The following CSMD1 variants were observed in gnomAD, a reference collection of about 807,000 sequenced individuals.
The protein encoded by CSMD1 is CUB and Sushi multiple domains 1.
In CSMD1, 213 loss-of-function variants were observed where a neutral mutation model predicts 417.5. That is an observed-to-expected ratio of 0.51 (90% CI 0.46 to 0.57). The LOEUF is 0.57. CSMD1 is among the 20% of genes least tolerant of loss of function. The pLI, the probability that CSMD1 is intolerant of heterozygous loss-of-function variation, is 0.00. For synonymous variants in CSMD1, 2,862 were observed against 1,736.8 expected, an observed-to-expected ratio of 1.65 and a Z score of -16.11; for missense variants, 6,923 against 4,529.7, an observed-to-expected ratio of 1.53 and a Z score of -15.17.
At chr8:4,443,333 C>T (rs750056096) in intron 2 of CSMD1, among the ~76,000 whole-genome samples, 5 of 152,040 alleles carry the variant, frequency 3.3e-5, no homozygotes, top group Non-Finnish European at 7.4e-5. Flanking sequence ...GAAAGTCTAC[C>T]CACAATATGC....
intron 5 of CSMD1, among the ~76,000 whole-genome samples, chr8:3,818,695 A>G (rs1383744434): frequency 1.3e-5 from 2 of 152,188 alleles, no homozygotes; most frequent in Non-Finnish European, 2.9e-5. Flanking sequence ...AACGGCAGTC[A>G]ACAAAGGAAG....
chr8:3,241,493 C>A (rs895481744), intron 26 of CSMD1, among the ~76,000 whole-genome samples: 2 of 152,110 alleles, frequency 1.3e-5, no homozygotes, highest in African/African-American at 4.8e-5. Flanking sequence ...GCCACTAAGC[C>A]GAGAAGATCT....
At chr8:3,338,939 C>T (rs987646581) in intron 23 of CSMD1, among the ~76,000 whole-genome samples, 1 of 151,366 alleles carries the variant, frequency 6.6e-6, no homozygotes, top group African/African-American at 2.4e-5. Context: ...CACCCACTAA[C>T]TCGTCATCTA....
chr8:3,838,550 C>G (rs1348864695), intron 5 of CSMD1, among the ~76,000 whole-genome samples: 1 of 119,442 alleles, frequency 8.4e-6, no homozygotes, highest in African/African-American at 3.5e-5. Flanking sequence ...TATATGTACT[C>G]TCTGTAGATA....
At chr8:3,279,135 C>G (rs541518766) in intron 26 of CSMD1, 53 of 152,252 alleles carry the variant, frequency 3.5e-4, no homozygotes, top group African/African-American at 1.2e-3. Context: ...GGTGGTCAGA[C>G]CAGCGTCTTC....
chr8:3,704,132 A>C (rs557516768), intron 7 of CSMD1, among the ~76,000 whole-genome samples: 1 of 152,230 alleles, frequency 6.6e-6, no homozygotes, highest in South Asian at 2.1e-4. Flanking sequence ...GTCCTCCATC[A>C]CTGTGGCAGA....
At chr8:3,736,925 C>T (rs1164615490) in intron 6 of CSMD1, among the ~76,000 whole-genome samples, 1 of 152,184 alleles carries the variant, frequency 6.6e-6, no homozygotes, top group Non-Finnish European at 1.5e-5. Context: ...CCGTGTGAAG[C>T]ATTCTGGGTA....
chr8:4,756,114 G>T (rs1198972988), intron 1 of CSMD1, among the ~76,000 whole-genome samples: 1 of 152,098 alleles, frequency 6.6e-6, no homozygotes, highest in African/African-American at 2.4e-5. Flanking sequence ...CTTTTTCACA[G>T]GAGTATATAG....
chr8:3,219,042 T>C, intron 29 of CSMD1, among the ~76,000 whole-genome samples: 1 of 152,184 alleles, frequency 6.6e-6, no homozygotes, highest in East Asian at 1.9e-4. Flanking sequence ...GGACAGTTTT[T>C]TTCCCCTCTC....
chr8:4,833,915 C>G (rs1800299577), intron 1 of CSMD1, among the ~76,000 whole-genome samples: 1 of 152,120 alleles, frequency 6.6e-6, no homozygotes, highest in Non-Finnish European at 1.5e-5. Flanking sequence ...TGGTGTTCAC[C>G]ACCCACCTCC....
At chr8:3,925,685 T>C (rs1809604986) in intron 5 of CSMD1, among the ~76,000 whole-genome samples, 2 of 151,980 alleles carry the variant, frequency 1.3e-5, no homozygotes, top group African/African-American at 4.8e-5. Context: ...CATTTTTCTC[T>C]TGCCACCACC....
chr8:3,548,772 T>A (rs1190931434), intron 10 of CSMD1, among the ~76,000 whole-genome samples: 1 of 151,786 alleles, frequency 6.6e-6, no homozygotes, highest in African/African-American at 2.4e-5. Flanking sequence ...CCGGCCAAGT[T>A]GTTTTCATGC....
intron 1 of CSMD1, among the ~76,000 whole-genome samples, chr8:4,659,852 A>G (rs1804476959): frequency 6.6e-6 from 1 of 152,110 alleles, no homozygotes; most frequent in Admixed American, 6.6e-5. Context: ...AACATGCTAA[A>G]CAATAAAAAT....
intron 3 of CSMD1, among the ~76,000 whole-genome samples, chr8:4,397,095 C>A (rs1032582325): frequency 6.6e-6 from 1 of 152,066 alleles, no homozygotes; most frequent in Non-Finnish European, 1.5e-5. Flanking sequence ...TCTCTCTTTT[C>A]CCTAAGAAGA....
At position 4,364,639 on chromosome 8, in the gene CSMD1, A is replaced by G. The variant is rs1221695547; in HGVS notation, c.415+55314T>C. Reference sequence around the variant, plus strand: ...GGAGATCGAGACCATCCCGGCTAAAACGGTGAAACCCCGTCTCTACTAAAA... The same window carrying G: ...GGAGATCGAGACCATCCCGGCTAAAGCGGTGAAACCCCGTCTCTACTAAAA... On this transcript the variant is annotated intron_variant, in intron 3 of 69. Transcript: ENST00000635120. Among the ~76,000 whole-genome samples the G allele has an allele frequency of 8.7e-5, 2 of 22,920 alleles. 1 individual carries two copies. The highest frequency in any genetic ancestry group is 8.1e-4 in the Admixed American group (2 of 2,468). 15.0% of individuals were successfully genotyped at this position (22,920 alleles called of 152,430 possible).
At chr8:3,298,454 A>ATC (rs60181891) in intron 25 of CSMD1, among the ~76,000 whole-genome samples, 13,241 of 151,806 alleles carry the variant, frequency 0.087, 946 homozygotes, top group African/African-American at 0.18. Flanking sequence ...AAACTGTACA[A>ATC]TCTCTCTCTC....
chr8:3,292,785 G>T (rs1803675418), intron 25 of CSMD1, among the ~76,000 whole-genome samples: 1 of 152,082 alleles, frequency 6.6e-6, no homozygotes, highest in African/African-American at 2.4e-5. Flanking sequence ...TATGCAATTT[G>T]CCAGTCTCTG....
intron 3 of CSMD1, among the ~76,000 whole-genome samples, chr8:4,177,021 C>G (rs189545175): frequency 3.3e-5 from 5 of 151,992 alleles, no homozygotes; most frequent in East Asian, 1.9e-4. Context: ...GAAATATCAA[C>G]GAGACAGAAA....
At chr8:4,912,234 A>G (rs1393938336) in intron 1 of CSMD1, among the ~76,000 whole-genome samples, 1 of 152,096 alleles carries the variant, frequency 6.6e-6, no homozygotes, top group African/African-American at 2.4e-5. Flanking sequence ...CTGCTTCCAG[A>G]GCTACCACTG....
Sources: gnomAD v4.1 joint callset for allele counts (sites outside exome capture counted in the v4.1 genomes callset) on GRCh38, gnomAD v4.1.1 for gene constraint, MANE v1.5 for transcripts, NCBI Gene and HGNC (gene_info 2026-07-23, HGNC 2026-07-21) for gene names.